REDIC1: variants seen among roughly 807,000 people sequenced by gnomAD.
REDIC1 encodes the protein regulator of DNA class I crossover intermediates 1, also known as HEI10 Interacting Protein 1.
At chr12:39,715,447 A>T in the REDIC1 span, among the ~76,000 whole-genome samples, 1 of 151,646 alleles carries the variant, frequency 6.6e-6, no homozygotes, top group African/African-American at 2.4e-5. Flanking sequence ...AGTACCATGC[A>T]CATCCCATGC....
chr12:39,671,694 C>T, the REDIC1 span, among the ~76,000 whole-genome samples: 1 of 152,010 alleles, frequency 6.6e-6, no homozygotes, highest in Non-Finnish European at 1.5e-5. Flanking sequence ...CCTGGCTAGT[C>T]CCTAGGCCCC....
chr12:39,755,150 C>T, the REDIC1 span: 1 of 151,880 alleles, frequency 6.6e-6, no homozygotes, highest in East Asian at 1.9e-4. Flanking sequence ...ACTTAAAAAA[C>T]ATTTACATGT....
At chr12:39,653,029 T>G in the REDIC1 span, among the ~76,000 whole-genome samples, 1 of 152,090 alleles carries the variant, frequency 6.6e-6, no homozygotes, top group African/African-American at 2.4e-5. Context: ...CATATAAATT[T>G]TAGGATCTGA....
the REDIC1 span, among the ~76,000 whole-genome samples, chr12:39,777,786 C>A: frequency 6.6e-6 from 1 of 152,162 alleles, no homozygotes; most frequent in African/African-American, 2.4e-5. Context: ...CTGGGGCAGT[C>A]GGATGAGAGC....
At chr12:39,656,639 A>C in the REDIC1 span, among the ~76,000 whole-genome samples, 1 of 152,196 alleles carries the variant, frequency 6.6e-6, no homozygotes, top group African/African-American at 2.4e-5. Context: ...TTCCAGAAGA[A>C]GGCATTGTTA....
At chr12:39,753,422 C>T in the REDIC1 span, among the ~76,000 whole-genome samples, 1 of 148,664 alleles carries the variant, frequency 6.7e-6, no homozygotes, top group Non-Finnish European at 1.5e-5. Flanking sequence ...ACTGTGAGAT[C>T]ACAGAAATTG....
the REDIC1 span, among the ~76,000 whole-genome samples, chr12:39,821,010 A>C: frequency 6.6e-6 from 1 of 152,000 alleles, no homozygotes; most frequent in South Asian, 2.1e-4. Flanking sequence ...TTCCTACTGC[A>C]CTGCTCCCCA....
At chr12:39,803,600 A>G in the REDIC1 span, among the ~76,000 whole-genome samples, 1 of 152,144 alleles carries the variant, frequency 6.6e-6, no homozygotes, top group Non-Finnish European at 1.5e-5. Context: ...AGTCAGAAAA[A>G]AGAATCCTTC....
chr12:39,896,245 T>C, the REDIC1 span, among the ~76,000 whole-genome samples: 8 of 97,970 alleles, frequency 8.2e-5, no homozygotes, highest in East Asian at 3.5e-4. Context: ...TGTATATATG[T>C]ATACATGTAT....
chr12:39,747,331 T>G, the REDIC1 span, among the ~76,000 whole-genome samples: 1 of 152,076 alleles, frequency 6.6e-6, no homozygotes. Flanking sequence ...TATCAGTGAT[T>G]GAAGATCAAA....
At chr12:39,669,969 A>T in the REDIC1 span, among the ~76,000 whole-genome samples, 1 of 152,112 alleles carries the variant, frequency 6.6e-6, no homozygotes, top group Non-Finnish European at 1.5e-5. Flanking sequence ...TTTGACTAGG[A>T]GAGGGAATTC....
chr12:39,647,369 C>T, the REDIC1 span, among the ~76,000 whole-genome samples: 1 of 152,004 alleles, frequency 6.6e-6, no homozygotes, highest in Non-Finnish European at 1.5e-5. Flanking sequence ...AAGCTTGAAA[C>T]TTTAACATCT....
the REDIC1 span, among the ~76,000 whole-genome samples, chr12:39,777,022 TA>T: frequency 7.9e-5 from 12 of 152,354 alleles, no homozygotes; most frequent in South Asian, 2.3e-3. Context: ...GGTAATATAT[TA>T]ATACTTATTC....
chr12:39,869,125 C>T, the REDIC1 span, among the ~76,000 whole-genome samples: 44 of 152,230 alleles, frequency 2.9e-4, no homozygotes, highest in African/African-American at 1.0e-3. Context: ...TATATATCTA[C>T]ATATAAATGA....
the REDIC1 span, among the ~76,000 whole-genome samples, chr12:39,847,598 A>T: frequency 6.6e-6 from 1 of 152,048 alleles, no homozygotes; most frequent in Non-Finnish European, 1.5e-5. Flanking sequence ...TATGAAAGAC[A>T]TTTGTATGGG....
At chr12:39,828,722 T>C in the REDIC1 span, among the ~76,000 whole-genome samples, 1 of 152,030 alleles carries the variant, frequency 6.6e-6, no homozygotes, top group African/African-American at 2.4e-5. Context: ...GTTTTTTTTT[T>C]TTCCTATTGG....
chr12:39,713,502 A>T, the REDIC1 span, among the ~76,000 whole-genome samples: 95 of 149,976 alleles, frequency 6.3e-4, no homozygotes, highest in Non-Finnish European at 1.2e-3. Context: ...GTACACATAC[A>T]TATGTATACA....
the REDIC1 span, among the ~76,000 whole-genome samples, chr12:39,804,428 G>C: frequency 6.6e-6 from 1 of 152,100 alleles, no homozygotes; most frequent in African/African-American, 2.4e-5. Context: ...ATAATGGTAA[G>C]AGTTTAACAT....
the REDIC1 span, chr12:39,683,474 G>T: frequency 6.3e-7 from 1 of 1,593,976 alleles, no homozygotes; most frequent in Non-Finnish European, 8.6e-7. Flanking sequence ...GAAATATCCA[G>T]CAAACTCTAT....
Sources: allele counts gnomAD v4.1 joint callset (sites outside exome capture counted in the v4.1 genomes callset), GRCh38; gene constraint gnomAD v4.1.1; transcripts MANE v1.5; gene names NCBI Gene and HGNC (gene_info 2026-07-23, HGNC 2026-07-21).